CBLN2: variants seen among roughly 807,000 people sequenced by gnomAD.
CBLN2 encodes cerebellin-2.
In CBLN2, 7 loss-of-function variants were observed where a neutral mutation model predicts 15.0. That is an observed-to-expected ratio of 0.47 (90% CI 0.27 to 0.88). CBLN2 has a LOEUF of 0.88. CBLN2 is among the 40% of genes least tolerant of loss of function. CBLN2 has a pLI of 0.14. For missense variants in CBLN2, 242 were observed against 304.5 expected, an observed-to-expected ratio of 0.79 and a Z score of 1.53; for synonymous variants, 149 against 135.2, an observed-to-expected ratio of 1.10 and a Z score of -0.71.
intron 1 of CBLN2, among the ~76,000 whole-genome samples, chr18:72,556,849 AG>A (rs1369777340): frequency 1.3e-4 from 20 of 152,286 alleles, no homozygotes. Context: ...AACAAGAAGC[AG>A]GGGTCAGGAA....
intron 1 of CBLN2, among the ~76,000 whole-genome samples, chr18:72,625,816 C>CTATATATATATA (rs1330243296): frequency 6.5e-5 from 4 of 61,624 alleles, no homozygotes; most frequent in Non-Finnish European, 1.2e-4. Flanking sequence ...CTCTCTCTCT[C>CTATATATATATA]TCTATATATA....
intron 4 of CBLN2, 74 bp from the exon 5 acceptor site, chr18:72,538,447 T>A: frequency 1.3e-6 from 2 of 1,531,556 alleles, no homozygotes; most frequent in Non-Finnish European, 1.8e-6. Flanking sequence ...CCTTTGCCAA[T>A]ATCCCCACTC....
chr18:72,548,663 T>TG (rs59733275), upstream of CBLN2, among the ~76,000 whole-genome samples: 124,148 of 152,164 alleles, frequency 0.82, 54,890 homozygotes, highest in Non-Finnish European at 0.98. Context: ...ATTTAAGAAA[T>TG]ATTATTGATC....
chr18:72,583,818 C>T (rs1423087508), intron 1 of CBLN2, among the ~76,000 whole-genome samples: 1 of 152,224 alleles, frequency 6.6e-6, no homozygotes. Context: ...CATCCCACTC[C>T]TGGCATTTTT....
chr18:72,538,203 G>T lies in CBLN2; in HGVS notation c.648C>A (p.Phe216Leu). The part of the protein sequence containing the change: ...NLMGGWKYST[F>L]SGFLVFPL ...ATAGAGGAAACACCAAGAAGCCCGA[G>T]AATGTGGAGTATTTCCAGCCCCCCA... is the stretch of plus-strand genomic sequence containing the variant. The change falls in exon 5 of 5, where the codon TTC (phenylalanine) becomes TTA (leucine). Residue 216 changes from phenylalanine to leucine, a missense_variant. Around this residue, in one of 4 missense-constraint regions of CBLN2, gnomAD observed 31 missense variants for 36.3 expected, o/e 0.86. Transcript: ENST00000269503. 1 of 1,614,106 alleles carries T rather than the reference G, an allele frequency of 6.2e-7. No homozygotes were observed. The highest frequency in any genetic ancestry group is 1.1e-5 in the South Asian group (1 of 91,074).
intron 1 of CBLN2, among the ~76,000 whole-genome samples, chr18:72,633,897 T>G (rs549167103): frequency 6.6e-6 from 1 of 152,258 alleles, no homozygotes; most frequent in South Asian, 2.1e-4. Context: ...TGAATCTTGA[T>G]GAGAGTAAAA....
intron 1 of CBLN2, among the ~76,000 whole-genome samples, chr18:72,590,966 T>C (rs2069476221): frequency 6.6e-6 from 1 of 152,240 alleles, no homozygotes; most frequent in South Asian, 2.1e-4. Flanking sequence ...CATTTGTTTC[T>C]CTGTCTTTGG....
intron 1 of CBLN2, among the ~76,000 whole-genome samples, chr18:72,630,316 G>A (rs1401263344): frequency 6.6e-6 from 1 of 152,040 alleles, no homozygotes; most frequent in Non-Finnish European, 1.5e-5. Context: ...GATTAGTCCT[G>A]TCCTTACTTT....
intron 1 of CBLN2, among the ~76,000 whole-genome samples, chr18:72,603,133 A>G (rs2069560265): frequency 6.6e-6 from 1 of 152,224 alleles, no homozygotes; most frequent in Non-Finnish European, 1.5e-5. Context: ...CTTTAGTTCC[A>G]TTTCTTTCCT....
chr18:72,570,814 C>T (rs910388818), intron 1 of CBLN2, among the ~76,000 whole-genome samples: 4 of 152,100 alleles, frequency 2.6e-5, no homozygotes, highest in Admixed American at 6.5e-5. Context: ...TGTTCAACCT[C>T]AGCTGAGATT....
Position 72,542,100 on chromosome 18 carries a change from C to A in CBLN2, c.61G>T (p.Ala21Ser). The A allele has an allele frequency of 6.8e-7, 1 of 1,460,562 alleles. No individual in the cohort carries two copies. The highest frequency in any genetic ancestry group is 9.0e-7 in the Non-Finnish European group (1 of 1,115,594). 90.5% of individuals were successfully genotyped at this position (1,460,562 alleles called of 1,614,324 possible). The change falls in exon 3 of 5, where the codon GCG (alanine) becomes TCG (serine). Residue 21 changes from alanine to serine, a missense_variant. This residue lies in a region of CBLN2 where 96 missense variants were observed against 83.8 expected (regional missense o/e 1.15). Coordinates refer to ENST00000269503, the MANE Select transcript of CBLN2 (RefSeq NM_182511.4). ...CCGCAGCCGCCCGGCTCGCGCAGCG[C>A]CCCCCGGCGCCCGGGCATCATCAGC... ...LRLMMPGRRG[A>S]LREPGGCGSC...
chr18:72,559,864 G>A (rs2069249066), intron 1 of CBLN2, among the ~76,000 whole-genome samples: 1 of 152,204 alleles, frequency 6.6e-6, no homozygotes, highest in Non-Finnish European at 1.5e-5. Context: ...ATGAAAAGTA[G>A]CAAAGAAAGA....
chr18:72,542,088 G>A lies in CBLN2; in HGVS notation c.73C>T (p.Pro25Ser), dbSNP rs1397774275. ...MPGRRGALRE[P>S]GGCGSCLGVA... ...CCCAGGCAGGATCCGCAGCCGCCCG[G>A]CTCGCGCAGCGCCCCCCGGCGCCCG... Residue 25 changes from proline (P) to serine (S), a missense_variant, in exon 3 of 5, where the codon CCG (proline) becomes TCG (serine). Transcript: ENST00000269503. The A allele has an allele frequency of 5.3e-6, 8 of 1,509,552 alleles. No homozygotes were observed. In the African/African-American group the frequency reaches 1.2e-4, roughly 22 times the overall value. The allele number at this position is 1,509,552 out of a possible 1,614,324, so 93.5% of individuals were successfully genotyped here. A position where few individuals can be genotyped will look rare whatever the true frequency, so the allele number is the denominator to read the frequency against.
chr18:72,560,498 G>A lies in CBLN2; in HGVS notation c.16-21726C>T, dbSNP rs188523386. Among the ~76,000 whole-genome samples, 250 of 152,200 alleles carry A rather than the reference G, an allele frequency of 1.6e-3. 2 individuals carry two copies. The highest frequency in any genetic ancestry group is 4.1e-3 in the South Asian group (20 of 4,826). On this transcript the variant is annotated intron_variant, in intron 1 of 2. Transcript: ENST00000581073. ...TTTGGATCAATTTTTCTTTGGGACA[G>A]GGGTTTGCAAACTATGACCAATAGA... is the stretch of plus-strand genomic sequence containing the variant.
rs537234791 is a variant in CBLN2 at position 72,552,286 on chromosome 18, G to A, written c.16-13514C>T. The stretch of plus-strand genomic sequence containing the variant: ...TTTAGTAGAGACAGGGTTTAGTCAT[G>A]TTGATCAGGCTGATCTCGAACTCCT... On this transcript the variant is annotated intron_variant, in intron 1 of 2. Transcript: ENST00000581073. Among the ~76,000 whole-genome samples the A allele has an allele frequency of 1.9e-4, 29 of 152,034 alleles. No individual in the cohort carries two copies. The South Asian group carries it at 5.4e-3, about 28-fold the overall frequency.
chr18:72,567,379 G>A (rs1009485150), intron 1 of CBLN2, among the ~76,000 whole-genome samples: 1 of 152,110 alleles, frequency 6.6e-6, no homozygotes, highest in Non-Finnish European at 1.5e-5. Flanking sequence ...TATGTGAGTG[G>A]TTTGGAAGCT....
At chr18:72,583,616 T>C (rs1399425355) in intron 1 of CBLN2, among the ~76,000 whole-genome samples, 1 of 152,238 alleles carries the variant, frequency 6.6e-6, no homozygotes, top group Admixed American at 6.5e-5. Context: ...ATTTATTCTT[T>C]TTAAAAATAT....
At chr18:72,567,813 T>A (rs2069305679) in intron 1 of CBLN2, among the ~76,000 whole-genome samples, 1 of 152,210 alleles carries the variant, frequency 6.6e-6, no homozygotes. Context: ...TCAAGAAGTT[T>A]AACAGATCAA....
chr18:72,569,897 A>T (rs1401057823), intron 1 of CBLN2, among the ~76,000 whole-genome samples: 1 of 152,198 alleles, frequency 6.6e-6, no homozygotes, highest in East Asian at 1.9e-4. Context: ...CCCAAAATAT[A>T]TCATCAATAC....
Sources: gnomAD v4.1 joint callset for allele counts (sites outside exome capture counted in the v4.1 genomes callset) on GRCh38, gnomAD v4.1.1 for gene constraint, gnomAD v4.1.1 regional missense constraint, MANE v1.5 for transcripts, NCBI Gene and HGNC (gene_info 2026-07-23, HGNC 2026-07-21) for gene names.